USH2A: variants seen among roughly 807,000 people sequenced by gnomAD.
USH2A encodes Usher syndrome 2A (autosomal recessive, mild).
Under a neutral mutation model 538.9 loss-of-function variants are expected in USH2A, and 443 were observed. The ratio of observed to expected loss-of-function variants is 0.82; its 90% CI spans 0.76 to 0.89. The LOEUF is 0.89. Ranked by LOEUF, USH2A falls within the 40% of genes least tolerant of loss-of-function variation. The pLI is 0.00. For missense variants in USH2A, 6,633 were observed against 6,324.8 expected (o/e 1.05, Z -1.65); for synonymous variants, 2,413 against 2,273.5 (o/e 1.06, Z -1.75).
Position 215,694,530 on chromosome 1 carries a change from G to C in USH2A, c.12067-14154C>G, listed in dbSNP as rs573051533. ...GGAGCTTACGGTTAGCCGAGATCAC[G>C]CCACTGCACTCCAGCCTGGGTGACA... On this transcript the variant is annotated intron_variant, in intron 61 of 71. Transcript: ENST00000307340. 5.3e-5 allele frequency among the ~76,000 whole-genome samples: 8 copies of C among 152,282 alleles called. No individual in the cohort carries two copies. The South Asian group carries it at 1.4e-3, about 28-fold the overall frequency.
intron 55 of USH2A, among the ~76,000 whole-genome samples, chr1:215,774,908 T>TTC (rs1661416934): frequency 8.3e-6 from 1 of 120,072 alleles, no homozygotes; most frequent in Admixed American, 9.6e-5. Flanking sequence ...TTTTTTTTTC[T>TTC]TTTTTTTTTT....
intron 21 of USH2A, among the ~76,000 whole-genome samples, chr1:216,148,380 T>C (rs1399937905): frequency 6.6e-6 from 1 of 151,974 alleles, no homozygotes; most frequent in Admixed American, 6.6e-5. Context: ...ATTGCCGCCC[T>C]TCTTCCCAAT....
chr1:215,952,881 T>C (rs1205469569), intron 37 of USH2A, among the ~76,000 whole-genome samples: 2 of 152,044 alleles, frequency 1.3e-5, no homozygotes, highest in Non-Finnish European at 2.9e-5. Flanking sequence ...TCTCGAGGAG[T>C]ATCTTTGCAA....
intron 54 of USH2A, 52 bp from the exon 55 acceptor site, chr1:215,780,093 C>T: frequency 3.8e-6 from 6 of 1,585,992 alleles, no homozygotes; most frequent in Non-Finnish European, 5.2e-6. Context: ...CACTAGCTAT[C>T]CTGATCAATG....
At chr1:215,757,290 T>G (rs2102739825) in intron 58 of USH2A, among the ~76,000 whole-genome samples, 1 of 152,360 alleles carries the variant, frequency 6.6e-6, no homozygotes, top group South Asian at 2.1e-4. Flanking sequence ...GAAAATAACT[T>G]TTTCTCTTTG....
chr1:216,108,037 G>A (rs2032780500), intron 21 of USH2A, among the ~76,000 whole-genome samples: 1 of 151,444 alleles, frequency 6.6e-6, no homozygotes, highest in African/African-American at 2.4e-5. Context: ...CTTCAAAAGA[G>A]TTTTTAATAA....
intron 4 of USH2A, among the ~76,000 whole-genome samples, chr1:216,343,724 AT>A (rs2038122718): frequency 6.6e-6 from 1 of 152,040 alleles, no homozygotes; most frequent in African/African-American, 2.4e-5. Context: ...GGTCAGGTTA[AT>A]TATCTGATCT....
chr1:216,345,595 T>C (rs1342467929), intron 4 of USH2A, among the ~76,000 whole-genome samples: 1 of 152,140 alleles, frequency 6.6e-6, no homozygotes, highest in East Asian at 1.9e-4. Context: ...TGTAAAGTTC[T>C]GATTAATGTG....
intron 21 of USH2A, among the ~76,000 whole-genome samples, chr1:216,098,922 G>T (rs969776289): frequency 6.6e-6 from 1 of 152,170 alleles, no homozygotes; most frequent in Non-Finnish European, 1.5e-5. Context: ...TTTGAGGAAG[G>T]CTGGTTGTGA....
At chr1:216,020,436 A>C (rs2102500649) in intron 32 of USH2A, among the ~76,000 whole-genome samples, 1 of 152,288 alleles carries the variant, frequency 6.6e-6, no homozygotes, top group East Asian at 1.9e-4. Flanking sequence ...CTGCCTCAAG[A>C]CTGCATGATA....
intron 47 of USH2A, among the ~76,000 whole-genome samples, chr1:215,824,541 G>A (rs1179163945): frequency 1.3e-5 from 2 of 152,088 alleles, no homozygotes; most frequent in Non-Finnish European, 2.9e-5. Flanking sequence ...CAGGAAACCT[G>A]TGGAGCAAAA....
chr1:216,196,381 A>G (rs2034843806), intron 19 of USH2A, among the ~76,000 whole-genome samples, 172 bp downstream of exon 19: 1 of 152,206 alleles, frequency 6.6e-6, no homozygotes, highest in Admixed American at 6.5e-5. Context: ...CTGGAAAAAT[A>G]CAAGTGACAT....
At chr1:215,825,257 T>A (rs945176315) in intron 47 of USH2A, among the ~76,000 whole-genome samples, 2 of 152,166 alleles carry the variant, frequency 1.3e-5, no homozygotes, top group African/African-American at 4.8e-5. Context: ...CTTGCTATGT[T>A]GCTCAGGCTG....
At chr1:216,043,284 T>C (rs1020935481) in intron 32 of USH2A, among the ~76,000 whole-genome samples, 1 of 152,104 alleles carries the variant, frequency 6.6e-6, no homozygotes, top group Non-Finnish European at 1.5e-5. Context: ...ATCATGTGCA[T>C]CTTTGAACCC....
chr1:215,943,520 C>A (rs1443388047), intron 37 of USH2A, among the ~76,000 whole-genome samples: 1 of 152,090 alleles, frequency 6.6e-6, no homozygotes, highest in African/African-American at 2.4e-5. Context: ...ACTTAATTTT[C>A]TCTTTTTTTG....
In USH2A at chr1:216,070,231, C is replaced by T. The variant is rs2102546199; in HGVS notation, c.5919G>A (p.Val1973=). The change falls in exon 30 of 72, where the codon GTG becomes GTA. Residue 1973 remains valine (V), a synonymous_variant. Coordinates refer to ENST00000307340, the MANE Select transcript of USH2A (RefSeq NM_206933.4). The stretch of plus-strand genomic sequence containing the variant: ...CTCTGACAACAGGTTCATCCCAGGT[C>T]ACCTCAATGCTGTATCCATTTAAGC... The part of the protein sequence containing the change: ...VRSLNGYSIE[V]TWDEPVVRGV... The T allele has an allele frequency of 1.2e-6, 2 of 1,613,970 alleles. No individual in the cohort carries two copies. The highest frequency in any genetic ancestry group is 1.7e-6 in the Non-Finnish European group (2 of 1,179,920).
Position 216,272,810 on chromosome 1 carries a change from G to A in USH2A, c.1971+16470C>T, listed in dbSNP as rs142651578. ...AATAGGTTGAGAAAGAGGGAGAAAT[G>A]GAAACCATAACCTAGGAAGACAAAC... On this transcript the variant is annotated intron_variant, in intron 11 of 71. Coordinates refer to ENST00000307340, the MANE Select transcript of USH2A (RefSeq NM_206933.4). 3.5e-3 allele frequency among the ~76,000 whole-genome samples: 536 copies of A among 152,162 alleles called. 4 individuals carry two copies. The highest frequency in any genetic ancestry group is 0.012 in the African/African-American group (509 of 41,532).
intron 44 of USH2A, among the ~76,000 whole-genome samples, chr1:215,855,615 T>G (rs1172356836): frequency 1.3e-5 from 2 of 151,864 alleles, no homozygotes; most frequent in African/African-American, 4.8e-5. Context: ...CAAATTACCA[T>G]CAACACAATT....
intron 4 of USH2A, among the ~76,000 whole-genome samples, chr1:216,363,574 T>C (rs570641024): frequency 1.3e-5 from 2 of 152,232 alleles, no homozygotes; most frequent in South Asian, 4.1e-4. Flanking sequence ...ATGGTTGATA[T>C]ATATAAATGG....
Sources: allele counts gnomAD v4.1 joint callset (sites outside exome capture counted in the v4.1 genomes callset), GRCh38; gene constraint gnomAD v4.1.1; transcripts MANE v1.5; gene names NCBI Gene and HGNC (gene_info 2026-07-23, HGNC 2026-07-21).